Variants in AFF3 observed in about 807,000 individuals in gnomAD.
AFF3 encodes the protein AF4/FMR2 family member 3.
In AFF3, 32 loss-of-function variants were observed where a neutral mutation model predicts 129.7. The ratio of observed to expected loss-of-function variants is 0.25; its 90% CI spans 0.19 to 0.33. The LOEUF (loss-of-function observed/expected upper bound fraction) is 0.33. Ranked by LOEUF, AFF3 falls within the 10% of genes least tolerant of loss-of-function variation. The pLI, the probability that AFF3 is intolerant of heterozygous loss-of-function variation, is 1.00. For synonymous variants in AFF3, 644 were observed against 635.4 expected (o/e 1.01, Z -0.20); for missense variants, 1,373 against 1,592.0 (o/e 0.86, Z 2.34).
At position 100,003,270 on chromosome 2, in the gene AFF3, A is replaced by G. The variant is rs986981681; in HGVS notation, c.873+3362T>C. ...TGCCTCTCTAGGTTAACAGTCCCCA[A>G]TGTTTGAATCTGGAATTACATGCTG... On this transcript the variant is annotated intron_variant, in intron 7 of 24. Coordinates refer to ENST00000672756, the MANE Select transcript of AFF3 (RefSeq NM_001386135.1). 3.3e-5 allele frequency among the ~76,000 whole-genome samples: 5 copies of G among 152,320 alleles called. 1 individual carries two copies. The highest frequency in any genetic ancestry group is 6.8e-3 in the Middle Eastern group (2 of 294).
chr2:99,926,559 G>GT (rs1183207473), intron 7 of AFF3, among the ~76,000 whole-genome samples: 4 of 152,158 alleles, frequency 2.6e-5, no homozygotes, highest in South Asian at 2.1e-4. Context: ...CGGATTAGCT[G>GT]TTTTTTGTGA....
At chr2:100,127,766 T>G (rs1396983608) in intron 2 of AFF3, among the ~76,000 whole-genome samples, 1 of 152,132 alleles carries the variant, frequency 6.6e-6, no homozygotes, top group Non-Finnish European at 1.5e-5. Context: ...TTCAACCCTG[T>G]CTGGCTAGCT....
chr2:99,717,747 G>T (rs1678523139), intron 11 of AFF3, among the ~76,000 whole-genome samples: 1 of 152,134 alleles, frequency 6.6e-6, no homozygotes, highest in South Asian at 2.1e-4. Flanking sequence ...ATGTTGTGTG[G>T]TTTTGTGACC....
rs187599791 is a variant in AFF3, at chr2:99,625,019, G to A, written c.1185-23398C>T. Among the ~76,000 whole-genome samples, 3 of 152,340 alleles carry A rather than the reference G, an allele frequency of 2.0e-5. No homozygotes were observed. The East Asian group carries it at 5.8e-4, about 29-fold the overall frequency. ...GTGGAAAATCTGGAGGAACGGTTGT[G>A]CACAGCTCCTGCTGGAAGTGAGATG... On this transcript the variant is annotated intron_variant, in intron 13 of 24. Coordinates refer to ENST00000672756, the MANE Select transcript of AFF3 (RefSeq NM_001386135.1).
At chr2:99,979,414 T>C (rs1364804774) in intron 7 of AFF3, among the ~76,000 whole-genome samples, 1 of 152,076 alleles carries the variant, frequency 6.6e-6, no homozygotes, top group East Asian at 1.9e-4. Flanking sequence ...TCATAAACCA[T>C]GAGAAAGGAC....
chr2:99,975,605 A>G (rs1451846717), intron 7 of AFF3, among the ~76,000 whole-genome samples: 2 of 152,128 alleles, frequency 1.3e-5, no homozygotes, highest in African/African-American at 4.8e-5. Context: ...AGGAAGCAGT[A>G]GGAGGCAGGA....
chr2:99,565,738 T>C, intron 19 of AFF3, 115 bp from the exon 20 acceptor site: 1 of 1,168,110 alleles, frequency 8.6e-7, no homozygotes, highest in Non-Finnish European at 1.2e-6. Flanking sequence ...TAAAATCCTA[T>C]GAAGCTGAGA....
chr2:99,626,320 TC>T (rs1682541902), intron 13 of AFF3, among the ~76,000 whole-genome samples: 3 of 58,512 alleles, frequency 5.1e-5, no homozygotes, highest in Non-Finnish European at 1.2e-4. Context: ...CTCCCTCCCT[TC>T]CTTCCTTCCT....
chr2:99,728,302 T>C (rs1232780927), intron 10 of AFF3, among the ~76,000 whole-genome samples: 2 of 152,158 alleles, frequency 1.3e-5, no homozygotes, highest in Admixed American at 6.5e-5. Flanking sequence ...CAGAGAAGGC[T>C]GTGAGTTGCA....
intron 7 of AFF3, among the ~76,000 whole-genome samples, chr2:99,843,586 A>G (rs375783818): frequency 2.6e-5 from 4 of 152,352 alleles, no homozygotes; most frequent in East Asian, 3.9e-4. Flanking sequence ...CTCAGCTTCA[A>G]TACTCAATTT....
chr2:100,120,317 T>C (rs1265794099), intron 2 of AFF3, among the ~76,000 whole-genome samples: 1 of 152,214 alleles, frequency 6.6e-6, no homozygotes, highest in Non-Finnish European at 1.5e-5. Context: ...AACAGCTCAG[T>C]CTGAGGCTTC....
At chr2:99,585,662 T>C (rs1678030374) in intron 16 of AFF3, among the ~76,000 whole-genome samples, 1 of 152,242 alleles carries the variant, frequency 6.6e-6, no homozygotes, top group Non-Finnish European at 1.5e-5. Context: ...GAGTCATGGT[T>C]TAGCAGGAGC....
intron 4 of AFF3, among the ~76,000 whole-genome samples, chr2:100,075,083 G>A (rs1688484947): frequency 1.3e-5 from 2 of 152,212 alleles, no homozygotes; most frequent in Admixed American, 1.3e-4. Flanking sequence ...GCTCCAAAGA[G>A]TATTACAGCT....
intron 13 of AFF3, among the ~76,000 whole-genome samples, chr2:99,622,199 C>T (rs938914301): frequency 2.0e-5 from 3 of 152,036 alleles, no homozygotes; most frequent in Admixed American, 6.6e-5. Flanking sequence ...AGGGTGGGTG[C>T]GTTCTCCTCC....
intron 7 of AFF3, among the ~76,000 whole-genome samples, chr2:100,001,259 A>G (rs1304881182): frequency 1.3e-5 from 2 of 152,210 alleles, no homozygotes; most frequent in African/African-American, 4.8e-5. Context: ...GCTTAATGAT[A>G]TAAGTCTGAA....
chr2:99,922,116 G>A (rs1003563155), intron 7 of AFF3, among the ~76,000 whole-genome samples: 14 of 152,088 alleles, frequency 9.2e-5, no homozygotes, highest in African/African-American at 2.9e-4. Context: ...CTAAAAAACC[G>A]CTGACTAAGT....
chr2:99,851,220 G>T (rs1690121167), intron 7 of AFF3, among the ~76,000 whole-genome samples: 1 of 152,186 alleles, frequency 6.6e-6, no homozygotes, highest in Admixed American at 6.5e-5. Flanking sequence ...CATAAATAAT[G>T]CTTCTTACAA....
At chr2:99,612,774 G>A (rs1224312560) in intron 13 of AFF3, among the ~76,000 whole-genome samples, 5 of 152,218 alleles carry the variant, frequency 3.3e-5, no homozygotes, top group Admixed American at 1.3e-4. Flanking sequence ...CCAGCTCTGT[G>A]GGAGCACCTC....
In AFF3 at chr2:99,910,717, T is replaced by C. The variant is rs990975081; in HGVS notation, c.874-73193A>G. On this transcript the variant is annotated intron_variant, in intron 7 of 24. Coordinates refer to ENST00000672756, the MANE Select transcript of AFF3 (RefSeq NM_001386135.1). ...TTCAGCTGCTAGGAAGCTCAAATCC[T>C]GTCTACAGGCTACTTTTACTTACAA... Among the ~76,000 whole-genome samples the C allele has an allele frequency of 5.9e-5, 9 of 152,376 alleles. No homozygotes were observed. The South Asian group carries it at 1.7e-3, about 28-fold the overall frequency.
Sources: gnomAD v4.1 joint callset for allele counts (sites outside exome capture counted in the v4.1 genomes callset) on GRCh38, gnomAD v4.1.1 for gene constraint, MANE v1.5 for transcripts, NCBI Gene and HGNC (gene_info 2026-07-23, HGNC 2026-07-21) for gene names.